The following GMCL1 variants were observed in gnomAD, a reference collection of about 807,000 sequenced individuals.
GMCL1 encodes the protein germ cell-less 1, spermatogenesis associated.
GMCL1 carries 54 observed loss-of-function variants against 75.5 expected under a neutral mutation model. The ratio of observed to expected loss-of-function variants is 0.71; its 90% confidence interval spans 0.57 to 0.90. GMCL1 has a LOEUF of 0.90. GMCL1 is among the 40% of genes least tolerant of loss of function. The probability of loss-of-function intolerance (pLI) is 0.00; values close to 1 mark genes in which losing one functional copy is unlikely to be tolerated. For missense variants in GMCL1, 537 were observed against 622.7 expected, an observed-to-expected ratio of 0.86 and a Z score of 1.47; for synonymous variants, 210 against 209.6, an observed-to-expected ratio of 1.00 and a Z score of -0.02.
chr2:69,832,219 C>CAA (rs774662812), intron 1 of GMCL1, among the ~76,000 whole-genome samples: 14 of 117,812 alleles, frequency 1.2e-4, no homozygotes, highest in African/African-American at 3.5e-4. Flanking sequence ...GACTCTGTCT[C>CAA]AAAAAAAAAA....
In GMCL1 at chr2:69,865,728, C is replaced by A. The variant is rs554108550; in HGVS notation, c.1218+753C>A. Among the ~76,000 whole-genome samples the A allele has an allele frequency of 4.6e-5, 7 of 152,172 alleles. No individual in the cohort carries two copies. The South Asian group carries it at 1.5e-3, about 32-fold the overall frequency. On this transcript the variant is annotated intron_variant, in intron 11 of 13. Transcript: ENST00000282570. ...GAAAAGTATTTAAAAACAATACTTA[C>A]CCCTGTGCATCCAGAAATTATTTTT...
chr2:69,881,359 T>C lies in GMCL1; in HGVS notation c.*2355T>C, dbSNP rs1319500034. On this transcript the variant is annotated 3_prime_UTR_variant, in exon 14 of 14. Transcript: ENST00000282570. The stretch of plus-strand genomic sequence containing the variant: ...AATATTTTCAATAAAGTGTTAATAG[T>C]GTAAGATAAAGTATTGTATAAACCA... The C allele has an allele frequency of 3.3e-5, 5 of 152,224 alleles. No homozygotes were observed. The highest frequency in any genetic ancestry group is 5.9e-5 in the Non-Finnish European group (4 of 68,036). The allele number at this position is 152,224 out of a possible 1,614,324, so 9.4% of individuals were successfully genotyped here.
At chr2:69,837,502 A>G (rs1247573414) in intron 1 of GMCL1, 45 bp from the exon 2 acceptor site, 2 of 1,331,702 alleles carry the variant, frequency 1.5e-6, no homozygotes, top group Non-Finnish European at 2.1e-6. Flanking sequence ...TCAGTAAAAC[A>G]TTCAGTTTTA....
Position 69,880,141 on chromosome 2 carries a change from A to T in GMCL1, c.*1137A>T, listed in dbSNP as rs1196111705. The T allele has an allele frequency of 6.6e-6, 1 of 152,046 alleles. No individual in the cohort carries two copies. The highest frequency in any genetic ancestry group is 2.1e-4 in the South Asian group (1 of 4,826). The allele number at this position is 152,046 out of a possible 1,614,324, so 9.4% of individuals were successfully genotyped here. A position where few individuals can be genotyped will look rare whatever the true frequency, so the allele number is the denominator to read the frequency against. On this transcript the variant is annotated 3_prime_UTR_variant, in exon 14 of 14. Coordinates refer to ENST00000282570, the MANE Select transcript of GMCL1 (RefSeq NM_178439.5). Reference sequence around the variant, plus strand: ...TACTGTTTTGAAAATAGCCATGTTCATTTTCTTTCCAGTTAGAGTAAGTAC... The same window carrying T: ...TACTGTTTTGAAAATAGCCATGTTCTTTTTCTTTCCAGTTAGAGTAAGTAC...
chr2:69,831,178 C>T (rs1169641779), intron 1 of GMCL1, among the ~76,000 whole-genome samples: 1 of 152,170 alleles, frequency 6.6e-6, no homozygotes, highest in African/African-American at 2.4e-5. Context: ...CTCAGCCTCC[C>T]AAAGTGCTGG....
intron 11 of GMCL1, among the ~76,000 whole-genome samples, chr2:69,867,917 C>G (rs1485655440): frequency 2.6e-5 from 4 of 152,224 alleles, no homozygotes; most frequent in Non-Finnish European, 5.9e-5. Flanking sequence ...TTATTCTTAT[C>G]TGATGGCCTT....
rs115694767 is a variant in GMCL1, at chr2:69,850,104, C to T, written c.934+362C>T. 3.8e-3 allele frequency among the ~76,000 whole-genome samples: 574 copies of T among 152,158 alleles called. 2 individuals carry two copies. The highest frequency in any genetic ancestry group is 0.013 in the African/African-American group (532 of 41,496). ...CTGAGTTTTCTCTAACAAGCTATAC[C>T]CCGTCAGGCAACCATTCTTAACATA... is the stretch of plus-strand genomic sequence containing the variant. On this transcript the variant is annotated intron_variant, in intron 8 of 13. Coordinates refer to ENST00000282570, the MANE Select transcript of GMCL1 (RefSeq NM_178439.5).
At chr2:69,830,391 A>G (rs2103934661) in intron 1 of GMCL1, among the ~76,000 whole-genome samples, 1 of 152,212 alleles carries the variant, frequency 6.6e-6, no homozygotes, top group East Asian at 1.9e-4. Flanking sequence ...TTACAGCCCC[A>G]AGATGAGGAT....
chr2:69,861,486 A>G (rs547699069), intron 10 of GMCL1, 139 bp downstream of exon 10: 40 of 534,090 alleles, frequency 7.5e-5, no homozygotes, highest in Non-Finnish European at 1.2e-4. Context: ...ACTTTTTATT[A>G]TATTTTTGCA....
chr2:69,873,948 T>A (rs1273235538), intron 13 of GMCL1: 1 of 154,716 alleles, frequency 6.5e-6, no homozygotes, highest in Non-Finnish European at 1.5e-5. Context: ...ATTGTAACCT[T>A]TTTTTTTTTT....
intron 9 of GMCL1, among the ~76,000 whole-genome samples, chr2:69,857,368 A>G (rs1675505557): frequency 6.6e-6 from 1 of 152,166 alleles, no homozygotes; most frequent in Admixed American, 6.5e-5. Flanking sequence ...CAGCTTTTGT[A>G]TTGGTGTCAC....
intron 10 of GMCL1, among the ~76,000 whole-genome samples, chr2:69,861,899 A>G (rs866148425): frequency 3.3e-4 from 51 of 152,246 alleles, no homozygotes; most frequent in African/African-American, 1.2e-3. Flanking sequence ...CCTGGCCAAC[A>G]TAGTGAAACC....
Position 69,843,205 on chromosome 2 carries a change from T to C in GMCL1, c.636T>C (p.Thr212=), listed in dbSNP as rs2103962963. ...ETMKETVNVK[T]VCGYYTSAGT... ...TGAAGGAAACAGTTAATGTGAAAAC[T>C]GTATGTGGCTATTACACATCAGCAG... Residue 212 remains threonine (T), a synonymous_variant, in exon 5 of 14, where the codon ACT becomes ACC. Coordinates refer to ENST00000282570, the MANE Select transcript of GMCL1 (RefSeq NM_178439.5). 6.2e-7 allele frequency: 1 copy of C among 1,612,358 alleles called. No individual in the cohort carries two copies. The highest frequency in any genetic ancestry group is 1.3e-5 in the African/African-American group (1 of 75,004).
intron 9 of GMCL1, 34 bp from the exon 10 acceptor site, chr2:69,861,244 T>C: frequency 7.3e-7 from 1 of 1,371,892 alleles, no homozygotes; most frequent in Non-Finnish European, 1.0e-6. Context: ...CTTCAGTCGT[T>C]ATTTATTATT....
intron 11 of GMCL1, among the ~76,000 whole-genome samples, chr2:69,866,667 G>A (rs1675826870): frequency 6.6e-6 from 1 of 151,984 alleles, no homozygotes; most frequent in Non-Finnish European, 1.5e-5. Flanking sequence ...GTCTCCCTGT[G>A]TTGCCCAGGC....
chr2:69,846,670 C>G (rs1265996383), intron 6 of GMCL1, among the ~76,000 whole-genome samples: 3 of 152,110 alleles, frequency 2.0e-5, no homozygotes, highest in African/African-American at 7.2e-5. Context: ...AAAAGCAAAA[C>G]AAAACAAATA....
At chr2:69,841,090 CA>C in intron 4 of GMCL1, 51 bp downstream of exon 4, 3 of 1,334,734 alleles carry the variant, frequency 2.2e-6, no homozygotes, top group Non-Finnish European at 3.2e-6. Context: ...ATCTTTGTCT[CA>C]AAGTGTGTAC....
intron 9 of GMCL1, among the ~76,000 whole-genome samples, chr2:69,859,051 C>T (rs1021742640): frequency 1.3e-5 from 2 of 148,310 alleles, no homozygotes; most frequent in South Asian, 2.1e-4. Flanking sequence ...GAGGCTGAGG[C>T]AGAGGAATCG....
At chr2:69,863,407 G>A (rs76357570) in intron 10 of GMCL1, among the ~76,000 whole-genome samples, 280 of 152,234 alleles carry the variant, frequency 1.8e-3, no homozygotes, top group African/African-American at 6.2e-3. Flanking sequence ...TATATTCCCT[G>A]GATGCTAGGT....
Sources: allele counts gnomAD v4.1 joint callset (sites outside exome capture counted in the v4.1 genomes callset), GRCh38; gene constraint gnomAD v4.1.1; transcripts MANE v1.5; gene names NCBI Gene and HGNC (gene_info 2026-07-23, HGNC 2026-07-21).